Variants in CEP83 observed in about 807,000 individuals in gnomAD.
CEP83 encodes centrosomal protein 83.
A neutral mutation model predicts 101.9 loss-of-function variants in CEP83; 70 were observed. That is an observed-to-expected ratio of 0.69 (90% CI 0.57 to 0.84). The LOEUF (loss-of-function observed/expected upper bound fraction) is 0.84, where lower values mean the gene tolerates loss of function less well. Ranked by LOEUF, CEP83 falls within the 40% of genes least tolerant of loss-of-function variation. The pLI is 0.00. For synonymous variants in CEP83, 264 were observed against 267.9 expected (o/e 0.99, Z 0.14); for missense variants, 715 against 787.2 (o/e 0.91, Z 1.10).
At chr12:94,368,020 G>A in intron 10 of CEP83, 37 bp downstream of exon 10, 2 of 1,603,780 alleles carry the variant, frequency 1.2e-6, no homozygotes, top group African/African-American at 1.3e-5. Context: ...TCATTTGCAA[G>A]GATATTTAAG....
intron 1 of CEP83, among the ~76,000 whole-genome samples, chr12:94,455,102 C>A (rs552010205): frequency 2.0e-5 from 3 of 152,284 alleles, no homozygotes; most frequent in African/African-American, 7.2e-5. Context: ...TCAGCGAGAC[C>A]AAGAACCCAC....
At chr12:94,355,807 A>C (rs977788632) in intron 11 of CEP83, among the ~76,000 whole-genome samples, 1 of 152,248 alleles carries the variant, frequency 6.6e-6, no homozygotes, top group Non-Finnish European at 1.5e-5. Context: ...TCTGTGTCTT[A>C]AGGGCGTATT....
At chr12:94,413,614 T>A (rs2064047642) in intron 2 of CEP83, among the ~76,000 whole-genome samples, 4 of 152,078 alleles carry the variant, frequency 2.6e-5, no homozygotes, top group Admixed American at 2.0e-4. Context: ...TGTCAACACA[T>A]AAATATTGAT....
intron 4 of CEP83, among the ~76,000 whole-genome samples, chr12:94,406,802 CTA>C (rs1332463333): frequency 2.6e-5 from 4 of 151,742 alleles, no homozygotes; most frequent in African/African-American, 7.3e-5. Context: ...TGGCGGGCAC[CTA>C]TAGTCCCAGC....
chr12:94,424,315 A>C (rs2065017149), intron 2 of CEP83: 12 of 1,614,014 alleles, frequency 7.4e-6, no homozygotes, highest in Non-Finnish European at 8.5e-7. Context: ...GCCCGCCATC[A>C]GCAAATTTGC....
intron 7 of CEP83, among the ~76,000 whole-genome samples, chr12:94,377,646 T>G (rs547768799): frequency 3.3e-5 from 5 of 152,316 alleles, no homozygotes; most frequent in Admixed American, 6.5e-5. Context: ...AATAATAAAA[T>G]TAAATATAGG....
chr12:94,434,315 A>G (rs1222746204), intron 2 of CEP83, among the ~76,000 whole-genome samples: 1 of 152,242 alleles, frequency 6.6e-6, no homozygotes, highest in African/African-American at 2.4e-5. Context: ...AAATGTTTAT[A>G]CACAAAAAAA....
At chr12:94,299,118 T>G in the CEP83 span, among the ~76,000 whole-genome samples, 1 of 152,204 alleles carries the variant, frequency 6.6e-6, no homozygotes, top group Non-Finnish European at 1.5e-5. Context: ...CATTTTTGCA[T>G]TAGAGAAAAT....
intron 2 of CEP83, 104 bp from the exon 3 acceptor site, chr12:94,412,695 T>A: frequency 8.9e-6 from 1 of 112,682 alleles, no homozygotes; most frequent in Non-Finnish European, 1.7e-5. Context: ...TTTTTTTTCT[T>A]TTTTTTTTTT....
At chr12:94,317,415 T>C (rs959066911) in intron 14 of CEP83, among the ~76,000 whole-genome samples, 7 of 152,236 alleles carry the variant, frequency 4.6e-5, no homozygotes. Context: ...CTCTTAAGTT[T>C]AATTAGAACC....
At chr12:94,362,540 G>A (rs530025734) in intron 11 of CEP83, among the ~76,000 whole-genome samples, 1 of 152,244 alleles carries the variant, frequency 6.6e-6, no homozygotes, top group East Asian at 1.9e-4. Flanking sequence ...AGGAGGCTGA[G>A]GCAAGAGAAT....
the CEP83 span, among the ~76,000 whole-genome samples, chr12:94,275,504 G>A: frequency 6.6e-6 from 1 of 152,214 alleles, no homozygotes; most frequent in Non-Finnish European, 1.5e-5. Context: ...CCCAGCCTGG[G>A]GGTGGAGGTG....
chr12:94,307,052 C>CTACTT (rs1377784242), downstream of CEP83: 1 of 152,150 alleles, frequency 6.6e-6, no homozygotes, highest in Non-Finnish European at 1.5e-5. Flanking sequence ...ACTTCCCCTA[C>CTACTT]TACTTTAGGG....
chr12:94,351,216 T>A (rs1020498207), intron 11 of CEP83, among the ~76,000 whole-genome samples: 1 of 152,060 alleles, frequency 6.6e-6, no homozygotes, highest in Non-Finnish European at 1.5e-5. Context: ...TCCTTAGCAA[T>A]CCCTAATACC....
chr12:94,422,484 G>T (rs2064833544), intron 2 of CEP83, among the ~76,000 whole-genome samples: 1 of 152,188 alleles, frequency 6.6e-6, no homozygotes, highest in Admixed American at 6.5e-5. Flanking sequence ...CCACTGTTGT[G>T]TATGTGGTTA....
intron 6 of CEP83, among the ~76,000 whole-genome samples, chr12:94,391,271 C>T (rs1254341841): frequency 2.0e-5 from 3 of 152,124 alleles, no homozygotes; most frequent in Non-Finnish European, 2.9e-5. Context: ...AAACTAACAG[C>T]GGATCTCTCG....
intron 11 of CEP83, among the ~76,000 whole-genome samples, chr12:94,358,611 C>T (rs527309227): frequency 5.3e-5 from 8 of 152,246 alleles, no homozygotes; most frequent in Non-Finnish European, 1.0e-4. Flanking sequence ...CTCCAATTTT[C>T]GTAATTAAGA....
chr12:94,456,701 G>A (rs1045582339), intron 1 of CEP83, among the ~76,000 whole-genome samples: 10 of 152,128 alleles, frequency 6.6e-5, no homozygotes, highest in African/African-American at 1.2e-4. Context: ...GGGGGAAACC[G>A]CCGCCATGAT....
At chr12:94,309,401 C>T (rs1012234629) in intron 16 of CEP83, among the ~76,000 whole-genome samples, 1 of 152,066 alleles carries the variant, frequency 6.6e-6, no homozygotes, top group African/African-American at 2.4e-5. Context: ...AGAAAGAGCC[C>T]GGGTTTTGGA....
Sources: allele counts gnomAD v4.1 joint callset (sites outside exome capture counted in the v4.1 genomes callset), GRCh38; gene constraint gnomAD v4.1.1; transcripts MANE v1.5; gene names NCBI Gene and HGNC (gene_info 2026-07-23, HGNC 2026-07-21).